Variants in ADGRL3 observed in about 807,000 individuals in gnomAD.
ADGRL3 encodes the protein calcium-independent alpha-latrotoxin receptor 3.
Under a neutral mutation model 153.5 loss-of-function variants are expected in ADGRL3, and 62 were observed. The observed-to-expected ratio is 0.40, with a 90% CI of 0.33 to 0.50. The LOEUF is 0.50. Among genes scored for constraint, ADGRL3 ranks in the 20% least tolerant of loss-of-function variants. The pLI is 0.47. For synonymous variants in ADGRL3, 710 were observed against 672.5 expected (o/e 1.06, Z -0.86); for missense variants, 1,641 against 1,859.4 (o/e 0.88, Z 2.16).
chr4:61,228,330 AC>A (rs1748914076), intron 1 of ADGRL3, among the ~76,000 whole-genome samples: 1 of 152,182 alleles, frequency 6.6e-6, no homozygotes, highest in South Asian at 2.1e-4. Context: ...ATTAAATGTT[AC>A]TGATACTAAC....
intron 6 of ADGRL3, among the ~76,000 whole-genome samples, chr4:61,718,587 T>A (rs1020334324): frequency 6.6e-6 from 1 of 152,190 alleles, no homozygotes; most frequent in African/African-American, 2.4e-5. Context: ...TTACAGTGAA[T>A]ATAAACATAA....
chr4:61,325,185 G>A (rs1164110181), intron 1 of ADGRL3, among the ~76,000 whole-genome samples: 2 of 152,030 alleles, frequency 1.3e-5, no homozygotes, highest in African/African-American at 2.4e-5. Context: ...GGTGGCATGT[G>A]CTTGTAATCC....
At chr4:61,560,911 T>C (rs951914162) in intron 4 of ADGRL3, among the ~76,000 whole-genome samples, 3 of 152,152 alleles carry the variant, frequency 2.0e-5, no homozygotes, top group Non-Finnish European at 4.4e-5. Flanking sequence ...AGCTATTTTC[T>C]TTCAGGTGAA....
chr4:61,331,650 T>C (rs1048113141), intron 1 of ADGRL3, among the ~76,000 whole-genome samples: 1 of 152,172 alleles, frequency 6.6e-6, no homozygotes, highest in Non-Finnish European at 1.5e-5. Flanking sequence ...GCCATATAGA[T>C]ATTTGAATTT....
At chr4:61,589,076 A>G (rs1289106877) in intron 5 of ADGRL3, among the ~76,000 whole-genome samples, 1 of 152,090 alleles carries the variant, frequency 6.6e-6, no homozygotes, top group Non-Finnish European at 1.5e-5. Context: ...TCAAAAAAGT[A>G]GTTATAATGG....
chr4:61,759,151 A>C lies in ADGRL3; in HGVS notation c.1399+25597A>C, dbSNP rs560214817. Among the ~76,000 whole-genome samples the C allele has an allele frequency of 2.6e-5, 4 of 151,012 alleles. No homozygotes were observed. In the East Asian group the frequency reaches 7.8e-4, roughly 30 times the overall value. On this transcript the variant is annotated intron_variant, in intron 8 of 26. Transcript: ENST00000683033. ...TTCAACTTTGGTAAATCTGACAATTATGTGTTGCTCTTCTCGAGGAGTATC... is the reference window on the plus strand; with the variant it reads ...TTCAACTTTGGTAAATCTGACAATTCTGTGTTGCTCTTCTCGAGGAGTATC...
intron 6 of ADGRL3, among the ~76,000 whole-genome samples, chr4:61,723,811 T>G (rs2096280921): frequency 6.6e-6 from 1 of 152,154 alleles, no homozygotes; most frequent in South Asian, 2.1e-4. Flanking sequence ...AGAAATGTTT[T>G]GGGAGCTTTT....
At chr4:61,313,693 C>G (rs1181517184) in intron 1 of ADGRL3, among the ~76,000 whole-genome samples, 2 of 152,018 alleles carry the variant, frequency 1.3e-5, no homozygotes, top group East Asian at 3.9e-4. Context: ...AAATTAAGAC[C>G]CCCAAATACT....
chr4:61,251,206 G>C (rs139792243), intron 1 of ADGRL3, among the ~76,000 whole-genome samples: 7 of 152,130 alleles, frequency 4.6e-5, no homozygotes, highest in African/African-American at 1.4e-4. Context: ...GGCCTCAGAC[G>C]TCTGGGGCCT....
chr4:62,051,201 C>T (rs1734031737), intron 25 of ADGRL3, among the ~76,000 whole-genome samples: 1 of 143,452 alleles, frequency 7.0e-6, no homozygotes, highest in Admixed American at 7.0e-5. Flanking sequence ...CATACATACA[C>T]AAAGGATATA....
At chr4:61,300,219 C>T (rs1371356297) in intron 1 of ADGRL3, among the ~76,000 whole-genome samples, 2 of 152,132 alleles carry the variant, frequency 1.3e-5, no homozygotes, top group Non-Finnish European at 2.9e-5. Context: ...TGTTTCAATA[C>T]AAATGTGTCT....
chr4:61,901,275 G>A (rs1038481634), intron 11 of ADGRL3, among the ~76,000 whole-genome samples: 28 of 152,130 alleles, frequency 1.8e-4, no homozygotes, highest in East Asian at 1.9e-4. Context: ...TCCAGATACC[G>A]CGAGGTTATT....
intron 19 of ADGRL3, among the ~76,000 whole-genome samples, chr4:61,993,956 C>T (rs895157497): frequency 6.6e-6 from 1 of 152,214 alleles, no homozygotes; most frequent in African/African-American, 2.4e-5. Flanking sequence ...TTTAACTGAG[C>T]GTTGATTGCT....
At chr4:61,931,831 T>C (rs2098818787) in intron 13 of ADGRL3, among the ~76,000 whole-genome samples, 1 of 152,152 alleles carries the variant, frequency 6.6e-6, no homozygotes, top group Admixed American at 6.5e-5. Context: ...TGAAAACTTA[T>C]AACTATGAAA....
In ADGRL3 at chr4:61,860,963, C is replaced by T. The variant is rs114778455; in HGVS notation, c.1481-31693C>T. ...TTGCATTTTTTCCTAAGCCACACTG[C>T]CAAATATTACGGCATTAAATCACTC... On this transcript the variant is annotated intron_variant, in intron 9 of 26. Coordinates refer to ENST00000683033, the MANE Select transcript of ADGRL3 (RefSeq NM_001387552.1). Among the ~76,000 whole-genome samples, 585 of 152,210 alleles carry T rather than the reference C, an allele frequency of 3.8e-3. 3 individuals are homozygous for T. Among genetic ancestry groups the T allele is most frequent in the African/African-American group, 0.013 (560 of 41,532 alleles).
At chr4:61,606,654 G>T (rs956754423) in intron 5 of ADGRL3, among the ~76,000 whole-genome samples, 3 of 152,120 alleles carry the variant, frequency 2.0e-5, no homozygotes, top group African/African-American at 7.2e-5. Context: ...AGTCACATTG[G>T]AGGTTAGGGC....
chr4:61,817,390 G>T (rs1406188231), intron 9 of ADGRL3, among the ~76,000 whole-genome samples: 2 of 151,946 alleles, frequency 1.3e-5, no homozygotes, highest in African/African-American at 4.8e-5. Context: ...GGACCAATTG[G>T]CATGCACTTC....
At chr4:61,742,372 G>A (rs6857146) in intron 8 of ADGRL3, among the ~76,000 whole-genome samples, 13,189 of 151,924 alleles carry the variant, frequency 0.087, 1,220 homozygotes, top group African/African-American at 0.23. Flanking sequence ...TCCGCCTCCC[G>A]GGTTCACACT....
chr4:61,657,911 C>T (rs1217390808), intron 5 of ADGRL3, among the ~76,000 whole-genome samples: 2 of 152,104 alleles, frequency 1.3e-5, no homozygotes, highest in Non-Finnish European at 2.9e-5. Context: ...CTTCTATCTG[C>T]CCCCATGGCA....
Sources: allele counts gnomAD v4.1 joint callset (sites outside exome capture counted in the v4.1 genomes callset), GRCh38; gene constraint gnomAD v4.1.1; transcripts MANE v1.5; gene names NCBI Gene and HGNC (gene_info 2026-07-23, HGNC 2026-07-21).